The following LLGL1 variants were observed in gnomAD, a reference collection of about 807,000 sequenced individuals.
LLGL1 encodes the protein lethal(2) giant larvae protein homolog 1.
LLGL1 carries 58 observed loss-of-function variants against 110.6 expected under a neutral mutation model. That is an observed-to-expected ratio of 0.52 (90% CI 0.42 to 0.65). The LOEUF is 0.65. Among genes scored for constraint, LLGL1 ranks in the 30% least tolerant of loss-of-function variants. The pLI is 0.00. For missense variants in LLGL1, 1,229 were observed against 1,462.1 expected (o/e 0.84, Z 2.60); for synonymous variants, 674 against 607.2 (o/e 1.11, Z -1.62).
At chr17:18,226,574 G>C (rs1446403055) in intron 1 of LLGL1, among the ~76,000 whole-genome samples, 2 of 152,226 alleles carry the variant, frequency 1.3e-5, no homozygotes, top group Non-Finnish European at 2.9e-5. Context: ...ACTGCACTTC[G>C]CATCGTGGGG....
In LLGL1 at chr17:18,227,666, C is replaced by T. The variant is rs150989212; in HGVS notation, c.81+1903C>T. On this transcript the variant is annotated intron_variant, in intron 1 of 22. Coordinates refer to ENST00000316843, the MANE Select transcript of LLGL1 (RefSeq NM_004140.4). ...TTGGCTTCCCAAAGTGCTAGGATTACAGACATGAGCTGCCATGCCTGGCCT... is the reference window on the plus strand; with the variant it reads ...TTGGCTTCCCAAAGTGCTAGGATTATAGACATGAGCTGCCATGCCTGGCCT... Among the ~76,000 whole-genome samples the T allele has an allele frequency of 5.2e-3, 794 of 152,354 alleles. 8 individuals carry two copies. The highest frequency in any genetic ancestry group is 0.012 in the African/African-American group (502 of 41,578).
At chr17:18,241,091 G>T (rs1015130855) in intron 17 of LLGL1, 2 of 599,608 alleles carry the variant, frequency 3.3e-6, no homozygotes, top group African/African-American at 3.7e-5. Flanking sequence ...GGGAGGGCAG[G>T]AATCTAGTCC....
intron 11 of LLGL1, chr17:18,235,939 T>G (rs1222829802): frequency 1.3e-5 from 3 of 226,768 alleles, no homozygotes; most frequent in Admixed American, 1.0e-4. Context: ...GCTGGGACCC[T>G]CAGGCCTCTG....
rs1364849320 is a variant in LLGL1, at chr17:18,232,496, T to A, written c.181T>A (p.Tyr61Asn). 1 of 1,613,570 alleles carries A rather than the reference T, an allele frequency of 6.2e-7. No homozygotes were observed. The highest frequency in any genetic ancestry group is 2.2e-5 in the East Asian group (1 of 44,868). ...TCCACCTTGACCTGCCACCCTCAGC[T>A]ATGGTGCACCTGGCGTGGAGTTCAC... Reference protein sequence around the residue: ...IGTRSGAVKIYGAPGVEFTGL... With the variant: ...IGTRSGAVKINGAPGVEFTGL... The change falls in exon 3 of 23, where the codon TAT becomes AAT. Residue 61 changes from tyrosine to asparagine, a missense_variant and splice_region_variant. Coordinates refer to ENST00000316843, the MANE Select transcript of LLGL1 (RefSeq NM_004140.4).
chr17:18,238,019 GC>G, intron 14 of LLGL1, 47 bp from the exon 15 acceptor site: 1 of 1,599,204 alleles, frequency 6.3e-7, no homozygotes. Flanking sequence ...TGTGGTGGCT[GC>G]CCCAGGAGGC....
intron 1 of LLGL1, among the ~76,000 whole-genome samples, chr17:18,227,473 A>G (rs541349149): frequency 2.0e-5 from 3 of 151,756 alleles, no homozygotes; most frequent in Admixed American, 6.6e-5. Context: ...CTGCAGCCTC[A>G]CAACTCCCTG....
chr17:18,233,472 G>A (rs1251827503), intron 4 of LLGL1, among the ~76,000 whole-genome samples: 1 of 152,162 alleles, frequency 6.6e-6, no homozygotes, highest in African/African-American at 2.4e-5. Flanking sequence ...GCTCAGCGGG[G>A]AGCTCCTGGT....
Position 18,242,802 on chromosome 17 carries a change from G to A in LLGL1, c.3176G>A (p.Cys1059Tyr). Residue 1059 changes from cysteine (C) to tyrosine (Y), a missense_variant, in exon 22 of 23, where the codon TGT (cysteine) becomes TAT (tyrosine). Transcript: ENST00000316843. The part of the protein sequence containing the change: ...RNLAEDEAHA[C>Y]AILIK ...CTGGCAGAAGACGAGGCCCACGCCTGTGCCATCCTGATCAAATGAGGTGCT... is the reference window on the plus strand; with the variant it reads ...CTGGCAGAAGACGAGGCCCACGCCTATGCCATCCTGATCAAATGAGGTGCT... 6 of 1,557,494 alleles carry A rather than the reference G, an allele frequency of 3.9e-6. No individual in the cohort carries two copies. Among genetic ancestry groups the A allele is most frequent in the Non-Finnish European group, 5.2e-6 (6 of 1,150,586 alleles).
rs760297874 is a variant in LLGL1, at chr17:18,238,603, C to T, written c.2200C>T (p.Arg734Ter). 3.7e-6 allele frequency: 6 copies of T among 1,611,500 alleles called. No individual in the cohort carries two copies. Among genetic ancestry groups the T allele is most frequent in the Non-Finnish European group, 5.1e-6 (6 of 1,179,398 alleles). ...CCTATACTTTGCCGACACATTCCTT[C>T]GAGATGGTAAGGCAGGGGCAGGGGC... is the stretch of plus-strand genomic sequence containing the variant. The part of the protein sequence containing the change: ...RCLYFADTFL[R>*]DGAHHGPTMW... Residue 734 changes from arginine (R) to a stop codon, truncating the protein, a stop_gained, in exon 16 of 23, where the codon CGA (arginine) becomes TGA (stop). Transcript: ENST00000316843. LOFTEE classifies it high-confidence loss of function.
chr17:18,237,691 A>G lies in LLGL1; in HGVS notation c.1822A>G (p.Thr608Ala). ...PAAVTAVTLH[T>A]EWSLVAFGTS... The stretch of plus-strand genomic sequence containing the variant: ...TGCTGTAACCGCTGTCACACTCCAC[A>G]CCGAGTGGAGCCTCGTGGCTTTTGG... The change falls in exon 14 of 23, where the codon ACC (threonine) becomes GCC (alanine). Residue 608 changes from threonine to alanine, a missense_variant. Coordinates refer to ENST00000316843, the MANE Select transcript of LLGL1 (RefSeq NM_004140.4). 1.2e-6 allele frequency: 2 copies of G among 1,612,888 alleles called. No homozygotes were observed. The highest frequency in any genetic ancestry group is 1.7e-6 in the Non-Finnish European group (2 of 1,179,952).
Position 18,244,798 on chromosome 17 carries a change from T to G in LLGL1, c.*892T>G. ...ACCTTGGGGTTTTTTTCTGTCGTTT[T>G]GTTAAAATTAGCGCCATTTTAATAT... is the stretch of plus-strand genomic sequence containing the variant. On this transcript the variant is annotated 3_prime_UTR_variant, in exon 23 of 23. Transcript: ENST00000316843. 1 of 319,426 alleles carries G rather than the reference T, an allele frequency of 3.1e-6. No homozygotes were observed. Among genetic ancestry groups the G allele is most frequent in the African/African-American group, 2.1e-5 (1 of 46,832 alleles). The allele number at this position is 319,426 out of a possible 1,614,324, so 19.8% of individuals were successfully genotyped here. A position where few individuals can be genotyped will look rare whatever the true frequency, so the allele number is the denominator to read the frequency against.
At position 18,240,802 on chromosome 17, in the gene LLGL1, C is replaced by T. The variant is rs368288709; in HGVS notation, c.2431C>T (p.Arg811Trp). 6 of 1,583,706 alleles carry T rather than the reference C, an allele frequency of 3.8e-6. No individual in the cohort carries two copies. Among genetic ancestry groups the T allele is most frequent in the African/African-American group, 2.7e-5 (2 of 74,128 alleles). ...RPLPEPYEAS[R>W]DLAQAPDMQG... Reference sequence around the variant, plus strand: ...ACTGCCCGAGCCCTACGAGGCCTCACGGGACCTGGCGCAGGCACCTGACAT... The same window carrying T: ...ACTGCCCGAGCCCTACGAGGCCTCATGGGACCTGGCGCAGGCACCTGACAT... Residue 811 changes from arginine (R) to tryptophan (W), a missense_variant, in exon 17 of 23, where the codon CGG becomes TGG. Arg to Trp is a moderately radical substitution (Grantham distance 101). Coordinates refer to ENST00000316843, the MANE Select transcript of LLGL1 (RefSeq NM_004140.4). The surrounding 1 kb of genome is among the most constrained non-coding windows in gnomAD (Gnocchi z 5.3).
In LLGL1 at chr17:18,234,031, C is replaced by T. The variant is rs1289793881; in HGVS notation, c.570C>T (p.Arg190=). Reference sequence around the variant, plus strand: ...TCCACAGCGTGCCAGACGACTACCGCTGTGGGAAGGCACTGGGCCCCGTGG... The same window carrying T: ...TCCACAGCGTGCCAGACGACTACCGTTGTGGGAAGGCACTGGGCCCCGTGG... ...EVLRSVPDDY[R]CGKALGPVES... Residue 190 remains arginine (R), a synonymous_variant, in exon 6 of 23, where the codon CGC becomes CGT. Coordinates refer to ENST00000316843, the MANE Select transcript of LLGL1 (RefSeq NM_004140.4). 6.3e-7 allele frequency: 1 copy of T among 1,594,688 alleles called. No homozygotes were observed. The highest frequency in any genetic ancestry group is 8.6e-7 in the Non-Finnish European group (1 of 1,167,068).
intron 1 of LLGL1, among the ~76,000 whole-genome samples, chr17:18,226,715 T>C (rs2047451852): frequency 6.6e-6 from 1 of 152,248 alleles, no homozygotes; most frequent in South Asian, 2.1e-4. Flanking sequence ...TTTCCTTCCT[T>C]TCCCGGAGTG....
At chr17:18,242,039 C>T in intron 19 of LLGL1, 40 bp downstream of exon 19, 1 of 1,575,918 alleles carries the variant, frequency 6.3e-7, no homozygotes, top group South Asian at 1.1e-5. Flanking sequence ...GGACCTGTGC[C>T]CAGGGCCAGG....
intron 14 of LLGL1, 40 bp downstream of exon 14, chr17:18,237,813 G>GC: frequency 1.9e-6 from 3 of 1,567,884 alleles, no homozygotes; most frequent in Non-Finnish European, 1.7e-6. Flanking sequence ...GGAGCCCCCA[G>GC]CGAGATGGGG....
Position 18,241,515 on chromosome 17 carries a change from G to A in LLGL1, c.2567G>A (p.Arg856His), listed in dbSNP as rs778217024. Residue 856 changes from arginine to histidine, a missense_variant, in exon 18 of 23, where the codon CGT becomes CAT. Coordinates refer to ENST00000316843, the MANE Select transcript of LLGL1 (RefSeq NM_004140.4). ...KFKLTAHEGCRVRKVALATFA... is the reference protein window; with the variant it reads ...KFKLTAHEGCHVRKVALATFA... ...AAGCTGACGGCCCATGAGGGCTGTC[G>A]TGTGCGCAAGGTGGCACTGGCCACG... The A allele has an allele frequency of 2.9e-5, 46 of 1,613,716 alleles. No homozygotes were observed. In the East Asian group the frequency reaches 9.1e-4, roughly 32 times the overall value.
intron 13 of LLGL1, chr17:18,237,266 C>T (rs758760234): frequency 1.1e-4 from 65 of 605,028 alleles, no homozygotes; most frequent in Non-Finnish European, 1.8e-4. Flanking sequence ...AGGGCAGGGA[C>T]TAGTGTGTCT....
intron 7 of LLGL1, 73 bp downstream of exon 7, chr17:18,234,481 G>T (rs2047644991): frequency 8.8e-6 from 14 of 1,591,782 alleles, no homozygotes; most frequent in Non-Finnish European, 1.1e-5. Context: ...CAAACTGGCT[G>T]AGGAGGGACT....
Sources: gnomAD v4.1 joint callset for allele counts (sites outside exome capture counted in the v4.1 genomes callset) on GRCh38, gnomAD v4.1.1 for gene constraint, Gnocchi (gnomAD v3.1) non-coding constraint, MANE v1.5 for transcripts, NCBI Gene and HGNC (gene_info 2026-07-23, HGNC 2026-07-21) for gene names.